Variants in ADIPOQ observed in about 807,000 individuals in gnomAD.
ADIPOQ encodes adiponectin, C1Q and collagen domain containing.
Under a neutral mutation model 16.1 loss-of-function variants are expected in ADIPOQ, and 19 were observed. The ratio of observed to expected loss-of-function variants is 1.18; its 90% CI spans 0.82 to 1.73. The LOEUF is 1.73. ADIPOQ is among the 40% of genes most tolerant of loss of function. ADIPOQ has a pLI of 0.00. For missense variants in ADIPOQ, 323 were observed against 308.3 expected (o/e 1.05, Z -0.36); for synonymous variants, 124 against 125.5 (o/e 0.99, Z 0.08).
chr3:186,844,629 G>A (rs539979521), intron 1 of ADIPOQ, among the ~76,000 whole-genome samples: 6 of 151,654 alleles, frequency 4.0e-5, no homozygotes, highest in Admixed American at 6.6e-5. Context: ...CTGCAGCCTC[G>A]ATTTCCCAGG....
chr3:186,854,901 T>C lies in ADIPOQ; in HGVS notation c.*197T>C. The stretch of plus-strand genomic sequence containing the variant: ...GCTATGTTCCCAGTCCTGGGGAGCT[T>C]CACAAACATGACCAGATAACTGACT... On this transcript the variant is annotated 3_prime_UTR_variant, in exon 3 of 3. Transcript: ENST00000320741. 2.6e-6 allele frequency: 2 copies of C among 775,124 alleles called. No individual in the cohort carries two copies. The highest frequency in any genetic ancestry group is 4.1e-6 in the Non-Finnish European group (2 of 493,684). 48.0% of individuals were successfully genotyped at this position (775,124 alleles called of 1,614,324 possible).
intron 1 of ADIPOQ, among the ~76,000 whole-genome samples, chr3:186,848,114 A>G (rs1032788667): frequency 3.9e-4 from 59 of 151,624 alleles, no homozygotes; most frequent in Middle Eastern, 3.4e-3. Flanking sequence ...CGGAGGTTGC[A>G]GTGAGCCAAG....
Position 186,858,311 on chromosome 3 carries a change from A to T in ADIPOQ, c.*3607A>T, listed in dbSNP as rs1369572128. The T allele has an allele frequency of 1.3e-5, 2 of 150,502 alleles. No homozygotes were observed. The highest frequency in any genetic ancestry group is 4.8e-5 in the African/African-American group (2 of 41,316). 9.3% of individuals were successfully genotyped at this position (150,502 alleles called of 1,614,324 possible). A position where few individuals can be genotyped will look rare whatever the true frequency, so the allele number is the denominator to read the frequency against. On this transcript the variant is annotated 3_prime_UTR_variant, in exon 3 of 3. Transcript: ENST00000320741. The stretch of plus-strand genomic sequence containing the variant: ...GTGTTTTTGTGGTATATCTTTTTCC[A>T]TCATGTTACTTTAAATATATCTATA...
intron 1 of ADIPOQ, chr3:186,852,809 A>C: frequency 5.9e-6 from 3 of 510,416 alleles, no homozygotes; most frequent in Non-Finnish European, 1.1e-5. Flanking sequence ...CTGAATTCAT[A>C]ATCTTGGTGA....
At chr3:186,851,016 G>C (rs1711748197) in intron 1 of ADIPOQ, among the ~76,000 whole-genome samples, 2 of 152,096 alleles carry the variant, frequency 1.3e-5, no homozygotes, top group African/African-American at 4.8e-5. Flanking sequence ...AGAACCCCAG[G>C]TAATGGGGCA....
chr3:186,854,265 G>T lies in ADIPOQ; in HGVS notation c.296G>T (p.Gly99Val). The T allele has an allele frequency of 6.2e-7, 1 of 1,613,926 alleles. No individual in the cohort carries two copies. Among genetic ancestry groups the T allele is most frequent in the South Asian group, 1.1e-5 (1 of 91,074 alleles). The change falls in exon 3 of 3, where the codon GGC (glycine) becomes GTC (valine). Residue 99 changes from glycine to valine, a missense_variant. Gly to Val is a moderately radical substitution (Grantham distance 109). Coordinates refer to ENST00000320741, the MANE Select transcript of ADIPOQ (RefSeq NM_004797.4). ...CCCCGAGGCTTTCCGGGAATCCAAGGCAGGAAAGGAGAACCTGGAGAAGGT... is the reference window on the plus strand; with the variant it reads ...CCCCGAGGCTTTCCGGGAATCCAAGTCAGGAAAGGAGAACCTGGAGAAGGT... The part of the protein sequence containing the change: ...EGPRGFPGIQ[G>V]RKGEPGEGAY...
intron 1 of ADIPOQ, among the ~76,000 whole-genome samples, chr3:186,848,040 G>A (rs1221788063): frequency 6.6e-6 from 1 of 152,008 alleles, no homozygotes; most frequent in African/African-American, 2.4e-5. Context: ...AGGTGTGGTC[G>A]TGGATTCCTG....
intron 1 of ADIPOQ, among the ~76,000 whole-genome samples, chr3:186,844,028 G>A (rs1711515380): frequency 6.6e-6 from 1 of 152,168 alleles, no homozygotes; most frequent in African/African-American, 2.4e-5. Context: ...TAGAAGGAAG[G>A]CCAGCTCTGC....
At chr3:186,848,802 A>C (rs1489443874) in intron 1 of ADIPOQ, among the ~76,000 whole-genome samples, 1 of 152,198 alleles carries the variant, frequency 6.6e-6, no homozygotes, top group African/African-American at 2.4e-5. Flanking sequence ...TTTTTTTGAA[A>C]ATTAGGCACG....
rs201345256 is a variant in ADIPOQ at position 186,855,448 on chromosome 3, T to C, written c.*744T>C. Reference sequence around the variant, plus strand: ...GCCACCTGGCCAGGAGCTTCTCTGATGTGATATCCACTTTTTTTTTTTTTG... The same window carrying C: ...GCCACCTGGCCAGGAGCTTCTCTGACGTGATATCCACTTTTTTTTTTTTTG... On this transcript the variant is annotated 3_prime_UTR_variant, in exon 3 of 3. Coordinates refer to ENST00000320741, the MANE Select transcript of ADIPOQ (RefSeq NM_004797.4). 1 of 125,326 alleles carries C rather than the reference T, an allele frequency of 8.0e-6. No homozygotes were observed. The highest frequency in any genetic ancestry group is 1.6e-5 in the Non-Finnish European group (1 of 61,386). The allele number at this position is 125,326 out of a possible 1,614,324, so 7.8% of individuals were successfully genotyped here.
chr3:186,852,996 G>GGT, intron 1 of ADIPOQ, 55 bp from the exon 2 acceptor site: 8 of 1,572,438 alleles, frequency 5.1e-6, no homozygotes, highest in Non-Finnish European at 7.0e-6. Flanking sequence ...GTCCCAACTG[G>GGT]GTGTGTGTGT....
At chr3:186,843,672 A>AG (rs1039854362) in intron 1 of ADIPOQ, among the ~76,000 whole-genome samples, 10 of 151,654 alleles carry the variant, frequency 6.6e-5, no homozygotes, top group African/African-American at 1.5e-4. Context: ...AAAAAAAAAA[A>AG]AAAAGAAAGA....
chr3:186,856,082 C>T lies in ADIPOQ; in HGVS notation c.*1378C>T, dbSNP rs200640905. 3.9e-5 allele frequency: 6 copies of T among 152,184 alleles called. No homozygotes were observed. Among genetic ancestry groups the T allele is most frequent in the Non-Finnish European group, 7.3e-5 (5 of 68,042 alleles). 9.4% of individuals were successfully genotyped at this position (152,184 alleles called of 1,614,324 possible). On this transcript the variant is annotated 3_prime_UTR_variant, in exon 3 of 3. Coordinates refer to ENST00000320741, the MANE Select transcript of ADIPOQ (RefSeq NM_004797.4). ...AGGGATGACTGTGATTTTCAGAACA[C>T]GTCCAGAATTTTTCATCAAGAAGGT...
intron 1 of ADIPOQ, among the ~76,000 whole-genome samples, chr3:186,849,796 G>GT (rs1223332727): frequency 6.6e-6 from 1 of 152,170 alleles, no homozygotes; most frequent in Non-Finnish European, 1.5e-5. Context: ...TAAAGGTGTT[G>GT]TAACAGCTAG....
chr3:186,858,248 G>C lies in ADIPOQ; in HGVS notation c.*3544G>C, dbSNP rs1314274476. ...GCCTCCCAAAGTGCTGGGATTACAG[G>C]CATGAGCCATCACACCTGGTCAACT... On this transcript the variant is annotated 3_prime_UTR_variant, in exon 3 of 3. Transcript: ENST00000320741. The C allele has an allele frequency of 6.6e-6, 1 of 152,126 alleles. No homozygotes were observed. The highest frequency in any genetic ancestry group is 1.5e-5 in the Non-Finnish European group (1 of 68,038). 9.4% of individuals were successfully genotyped at this position (152,126 alleles called of 1,614,324 possible). A position where few individuals can be genotyped will look rare whatever the true frequency, so the allele number is the denominator to read the frequency against.
rs1711911433 is a variant in ADIPOQ at position 186,854,402 on chromosome 3, G to A, written c.433G>A (p.Gly145Ser). The A allele has an allele frequency of 6.2e-7, 1 of 1,614,190 alleles. No homozygotes were observed. The highest frequency in any genetic ancestry group is 8.5e-7 in the Non-Finnish European group (1 of 1,180,032). ...IFYNQQNHYD[G>S]STGKFHCNIP... ...CTACAATCAGCAAAACCACTATGAT[G>A]GCTCCACTGGTAAATTCCACTGCAA... The change falls in exon 3 of 3, where the codon GGC becomes AGC. Residue 145 changes from glycine (G) to serine (S), a missense_variant. By Grantham distance (56) the Gly-to-Ser change is moderately conservative. Coordinates refer to ENST00000320741, the MANE Select transcript of ADIPOQ (RefSeq NM_004797.4).
At position 186,853,097 on chromosome 3, in the gene ADIPOQ, GC is replaced by G. The variant is rs1553805881; in HGVS notation, c.42del (p.Gly15ValfsTer154). On this transcript the variant is annotated frameshift_variant, in exon 2 of 3. Transcript: ENST00000320741. LOFTEE classifies it high-confidence loss of function. ...GAGCTGTTCTACTGCTATTAGCTCT[GC>G]CCGGTCATGACCAGGAAACCACGAC... is the stretch of plus-strand genomic sequence containing the variant. ...LGAVLLLLALPGHDQETTTQG... is the reference protein window; with the variant it reads ...LGAVLLLLALXGHDQETTTQG... 1.2e-6 allele frequency: 2 copies of G among 1,614,140 alleles called. No individual in the cohort carries two copies. The highest frequency in any genetic ancestry group is 2.7e-5 in the African/African-American group (2 of 75,042).
At chr3:186,850,680 T>C (rs1316637282) in intron 1 of ADIPOQ, among the ~76,000 whole-genome samples, 1 of 152,090 alleles carries the variant, frequency 6.6e-6, no homozygotes, top group Admixed American at 6.6e-5. Flanking sequence ...GTCAAATATA[T>C]ATTGATTATA....
At chr3:186,852,997 G>C in intron 1 of ADIPOQ, 54 bp from the exon 2 acceptor site, 2 of 1,558,132 alleles carry the variant, frequency 1.3e-6, no homozygotes, top group Non-Finnish European at 1.8e-6. Context: ...TCCCAACTGG[G>C]TGTGTGTGTG....
Sources: gnomAD v4.1 joint callset for allele counts (sites outside exome capture counted in the v4.1 genomes callset) on GRCh38, gnomAD v4.1.1 for gene constraint, MANE v1.5 for transcripts, NCBI Gene and HGNC (gene_info 2026-07-23, HGNC 2026-07-21) for gene names.